SMC6: variants seen among roughly 807,000 people sequenced by gnomAD.
SMC6 encodes structural maintenance of chromosomes 6.
Under a neutral mutation model 142.2 loss-of-function variants are expected in SMC6, and 79 were observed. That is an observed-to-expected ratio of 0.56 (90% CI 0.46 to 0.67). The LOEUF (loss-of-function observed/expected upper bound fraction) is 0.67. Ranked by LOEUF, SMC6 falls within the 30% of genes least tolerant of loss-of-function variation. The probability of loss-of-function intolerance (pLI) is 0.00; values close to 1 mark genes in which losing one functional copy is unlikely to be tolerated. For synonymous variants in SMC6, 411 were observed against 412.4 expected (o/e 1.00, Z 0.04); for missense variants, 1,072 against 1,284.0 (o/e 0.83, Z 2.52).
chr2:17,731,944 GTTTTCAAATTT>G, intron 5 of SMC6, 67 bp from the exon 6 acceptor site: 1 of 1,502,848 alleles, frequency 6.7e-7, no homozygotes, highest in East Asian at 2.3e-5. Context: ...GGTTGCCACA[GTTTTCAAATTT>G]TTCAAAACCA....
chr2:17,725,144 A>G (rs1669551162), intron 9 of SMC6, 113 bp downstream of exon 9: 1 of 694,738 alleles, frequency 1.4e-6, no homozygotes, highest in African/African-American at 1.8e-5. Flanking sequence ...TGCTATAAAA[A>G]TATTACTAGT....
intron 2 of SMC6, among the ~76,000 whole-genome samples, chr2:17,748,186 C>T (rs1422634702): frequency 1.3e-5 from 2 of 152,188 alleles, no homozygotes; most frequent in African/African-American, 4.8e-5. Flanking sequence ...GACTGGCAAG[C>T]AAGATCTACA....
intron 21 of SMC6, among the ~76,000 whole-genome samples, chr2:17,697,017 T>C (rs1390107460): frequency 6.6e-6 from 1 of 152,084 alleles, no homozygotes; most frequent in African/African-American, 2.4e-5. Flanking sequence ...ACACTCATAA[T>C]TACTTGGTAA....
At chr2:17,732,242 T>C (rs924195916) in intron 5 of SMC6, among the ~76,000 whole-genome samples, 3 of 152,198 alleles carry the variant, frequency 2.0e-5, no homozygotes, top group African/African-American at 7.2e-5. Flanking sequence ...GCCTGACTAC[T>C]GTAAGTTATA....
chr2:17,729,093 T>C (rs1378516525), intron 7 of SMC6, among the ~76,000 whole-genome samples: 1 of 152,148 alleles, frequency 6.6e-6, no homozygotes, highest in African/African-American at 2.4e-5. Flanking sequence ...ACTAAAAATA[T>C]AGAGAAATAG....
chr2:17,743,097 G>T (rs1007520669), intron 3 of SMC6, among the ~76,000 whole-genome samples: 1 of 152,032 alleles, frequency 6.6e-6, no homozygotes, highest in Non-Finnish European at 1.5e-5. Context: ...TCGGTAGTTC[G>T]CTCCTTTTTA....
At chr2:17,671,067 T>C (rs1391617145) in intron 25 of SMC6, among the ~76,000 whole-genome samples, 2 of 148,758 alleles carry the variant, frequency 1.3e-5, no homozygotes, top group African/African-American at 5.0e-5. Context: ...GGAGTTGAGG[T>C]TTCTCCATGT....
rs1244163133 is a variant in SMC6 at position 17,715,045 on chromosome 2, C to T, written c.1546G>A (p.Asp516Asn). The T allele has an allele frequency of 6.2e-7, 1 of 1,613,346 alleles. No homozygotes were observed. The highest frequency in any genetic ancestry group is 1.7e-5 in the Admixed American group (1 of 59,804). Residue 516 changes from aspartate to asparagine, a missense_variant, in exon 16 of 28, where the codon GAC (aspartate) becomes AAC (asparagine). By Grantham distance (23) the Asp-to-Asn change is conservative (BLOSUM62 1). Around this residue, in one of 3 missense-constraint regions of SMC6, gnomAD observed 994 missense variants for 1,153.2 expected, o/e 0.86. Transcript: ENST00000448223. ...GPLGACIHLR[D>N]PELALAIESC... ...TCAATAGCCAAAGCAAGTTCTGGGT[C>T]CCGAAGATGAATGCAAGCTCCTAAA...
intron 23 of SMC6, among the ~76,000 whole-genome samples, chr2:17,688,484 G>A (rs1667560197): frequency 6.6e-6 from 1 of 152,084 alleles, no homozygotes; most frequent in Non-Finnish European, 1.5e-5. Context: ...AGGATCACTT[G>A]AGCCCGGGAG....
At position 17,688,270 on chromosome 2, in the gene SMC6, T is replaced by C. The variant is rs115603590; in HGVS notation, c.2679-4507A>G. Among the ~76,000 whole-genome samples the C allele has an allele frequency of 7.0e-3, 1,044 of 149,234 alleles. 10 individuals are homozygous for C. The highest frequency in any genetic ancestry group is 0.026 in the South Asian group (121 of 4,732). The stretch of plus-strand genomic sequence containing the variant: ...CTCCAAGGCTGGGTCAGGTATAGAA[T>C]GAGCTTGAAATATTTTGTTATGTCA... On this transcript the variant is annotated intron_variant, in intron 23 of 27. Coordinates refer to ENST00000448223, the MANE Select transcript of SMC6 (RefSeq NM_001142286.2).
chr2:17,706,667 T>C (rs1214778031), intron 18 of SMC6, among the ~76,000 whole-genome samples: 1 of 152,190 alleles, frequency 6.6e-6, no homozygotes, highest in South Asian at 2.1e-4. Flanking sequence ...TGTTTTTTGA[T>C]ACCAAAATTT....
intron 25 of SMC6, 108 bp downstream of exon 25, chr2:17,678,751 G>T: frequency 1.3e-6 from 1 of 748,774 alleles, no homozygotes; most frequent in Non-Finnish European, 2.2e-6. Flanking sequence ...ACTCCAGCCT[G>T]GGCAACAGAG....
chr2:17,750,025 G>A (rs1222106719), intron 2 of SMC6, among the ~76,000 whole-genome samples: 2 of 152,144 alleles, frequency 1.3e-5, no homozygotes, highest in African/African-American at 2.4e-5. Context: ...GCTTAATTAA[G>A]TACACTGCTT....
chr2:17,692,294 G>A (rs1238503012), intron 23 of SMC6, among the ~76,000 whole-genome samples: 2 of 152,138 alleles, frequency 1.3e-5, no homozygotes, highest in African/African-American at 4.8e-5. Flanking sequence ...CATGCTACCT[G>A]ACTTCAAACT....
At chr2:17,693,334 G>T (rs1278407197) in intron 23 of SMC6, among the ~76,000 whole-genome samples, 1 of 152,110 alleles carries the variant, frequency 6.6e-6, no homozygotes, top group Non-Finnish European at 1.5e-5. Flanking sequence ...GGAAAATGTG[G>T]CACACATACA....
rs1666416749 is a variant in SMC6 at position 17,664,733 on chromosome 2, G to C, written c.*766C>G. On this transcript the variant is annotated 3_prime_UTR_variant, in exon 28 of 28. Transcript: ENST00000448223. ...TCCTGGAGCCATGAGCTACTCTCCT[G>C]CTCCATGAGGATCCACCCTCCACTC... 3 of 151,444 alleles carry C rather than the reference G, an allele frequency of 2.0e-5. No individual in the cohort carries two copies. The highest frequency in any genetic ancestry group is 7.3e-5 in the African/African-American group (3 of 41,282). 9.4% of individuals were successfully genotyped at this position (151,444 alleles called of 1,614,324 possible).
chr2:17,751,839 A>G (rs1266100340), intron 2 of SMC6, among the ~76,000 whole-genome samples: 3 of 152,228 alleles, frequency 2.0e-5, no homozygotes, highest in African/African-American at 4.8e-5. Context: ...TAATTCCTAA[A>G]AGTAAGCCAA....
chr2:17,671,868 T>A (rs1666780158), intron 25 of SMC6, among the ~76,000 whole-genome samples: 1 of 152,012 alleles, frequency 6.6e-6, no homozygotes. Flanking sequence ...ATTCCAGATA[T>A]ACATATATGC....
At chr2:17,740,192 G>T (rs1670372480) in intron 4 of SMC6, among the ~76,000 whole-genome samples, 1 of 152,090 alleles carries the variant, frequency 6.6e-6, no homozygotes, top group Non-Finnish European at 1.5e-5. Context: ...CCTAACTTCA[G>T]AACCCATCAG....
Sources: allele counts gnomAD v4.1 joint callset (sites outside exome capture counted in the v4.1 genomes callset), GRCh38; gene constraint gnomAD v4.1.1; regional missense constraint gnomAD v4.1.1; transcripts MANE v1.5; gene names NCBI Gene and HGNC (gene_info 2026-07-23, HGNC 2026-07-21).